The following NEGR1 variants were observed in gnomAD, a reference collection of about 807,000 sequenced individuals.
The protein encoded by NEGR1 is IgLON family member 4.
Under a neutral mutation model 40.9 loss-of-function variants are expected in NEGR1, and 10 were observed. That is an observed-to-expected ratio of 0.24 (90% CI 0.15 to 0.42). NEGR1 has a LOEUF of 0.42. NEGR1 is among the 10% of genes least tolerant of loss of function. The probability of loss-of-function intolerance (pLI) is 1.00; values close to 1 mark genes in which losing one functional copy is unlikely to be tolerated. For missense variants in NEGR1, 352 were observed against 438.9 expected (o/e 0.80, Z 1.77); for synonymous variants, 185 against 166.8 (o/e 1.11, Z -0.84).
intron 6 of NEGR1, among the ~76,000 whole-genome samples, chr1:71,409,721 A>G (rs933615140): frequency 2.1e-4 from 32 of 152,200 alleles, no homozygotes; most frequent in African/African-American, 7.5e-4. Flanking sequence ...GTTTCCAGAC[A>G]TAAAATCTGG....
At position 71,801,767 on chromosome 1, in the gene NEGR1, C is replaced by T. The variant is rs544769481; in HGVS notation, c.410-25470G>A. ...AAATCAATCAGATTGCATTGCATTTCGCCCAAACACTCCAATAGTTTCTTA... is the reference window on the plus strand; with the variant it reads ...AAATCAATCAGATTGCATTGCATTTTGCCCAAACACTCCAATAGTTTCTTA... On this transcript the variant is annotated intron_variant, in intron 2 of 6. Transcript: ENST00000357731. 4.5e-4 allele frequency among the ~76,000 whole-genome samples: 68 copies of T among 152,236 alleles called. 1 individual carries two copies. The highest frequency in any genetic ancestry group is 1.3e-3 in the African/African-American group (55 of 41,552).
At chr1:71,933,636 C>G (rs1331846587) in intron 2 of NEGR1, among the ~76,000 whole-genome samples, 7 of 152,002 alleles carry the variant, frequency 4.6e-5, no homozygotes, top group Non-Finnish European at 1.0e-4. Flanking sequence ...GGTGGATTAA[C>G]TCCCACCCTC....
chr1:71,937,244 TA>T lies in NEGR1; in HGVS notation c.177-1934del, dbSNP rs113336427. On this transcript the variant is annotated intron_variant, in intron 1 of 6. Coordinates refer to ENST00000357731, the MANE Select transcript of NEGR1 (RefSeq NM_173808.3). ...GTCCTTATGTATTTAATAAAGAAAA[TA>T]AAACCCCTTTAATGATGTAATTAAA... is the stretch of plus-strand genomic sequence containing the variant. 1.9e-3 allele frequency among the ~76,000 whole-genome samples: 289 copies of T among 152,192 alleles called. 1 individual carries two copies. Among genetic ancestry groups the T allele is most frequent in the African/African-American group, 6.6e-3 (274 of 41,534 alleles).
At chr1:71,708,062 C>T (rs1221410015) in intron 3 of NEGR1, among the ~76,000 whole-genome samples, 1 of 151,996 alleles carries the variant, frequency 6.6e-6, no homozygotes, top group Admixed American at 6.5e-5. Context: ...ATGAAGGCTA[C>T]AATAAATATA....
chr1:71,638,499 G>A (rs940871265), intron 4 of NEGR1, among the ~76,000 whole-genome samples: 1 of 152,044 alleles, frequency 6.6e-6, no homozygotes, highest in African/African-American at 2.4e-5. Flanking sequence ...ATTTCTGTTT[G>A]ACGCTTGCTT....
At chr1:71,939,657 A>T (rs1645941258) in intron 1 of NEGR1, among the ~76,000 whole-genome samples, 1 of 152,194 alleles carries the variant, frequency 6.6e-6, no homozygotes, top group Non-Finnish European at 1.5e-5. Context: ...CTAAGAATTC[A>T]GTGATCAGAA....
At chr1:72,044,416 T>C (rs968667854) in intron 1 of NEGR1, among the ~76,000 whole-genome samples, 1 of 151,598 alleles carries the variant, frequency 6.6e-6, no homozygotes. Context: ...ATATTGGCCT[T>C]TGCACAATTC....
chr1:71,854,060 C>T (rs558124241), intron 2 of NEGR1, among the ~76,000 whole-genome samples: 19 of 152,146 alleles, frequency 1.2e-4, no homozygotes, highest in African/African-American at 4.1e-4. Context: ...AAGCATGTTG[C>T]ATTAAAAAAG....
rs562213047 is a variant in NEGR1, at chr1:71,865,844, T to G, written c.409+69235A>C. Among the ~76,000 whole-genome samples, 7 of 152,304 alleles carry G rather than the reference T, an allele frequency of 4.6e-5. No homozygotes were observed. The East Asian group carries it at 1.4e-3, about 29-fold the overall frequency. ...CCAATTTGTGTCTCACACATAGCAA[T>G]AAAGAACTATCCTTGCTAATAAAAA... On this transcript the variant is annotated intron_variant, in intron 2 of 6. Coordinates refer to ENST00000357731, the MANE Select transcript of NEGR1 (RefSeq NM_173808.3).
intron 6 of NEGR1, among the ~76,000 whole-genome samples, chr1:71,469,371 G>A (rs1646767770): frequency 6.6e-6 from 1 of 151,926 alleles, no homozygotes; most frequent in Non-Finnish European, 1.5e-5. Flanking sequence ...GGATCACATT[G>A]TAAACTATTA....
intron 6 of NEGR1, among the ~76,000 whole-genome samples, chr1:71,565,570 A>C (rs530826431): frequency 6.6e-6 from 1 of 152,286 alleles, no homozygotes; most frequent in Non-Finnish European, 1.5e-5. Flanking sequence ...AGCAACAAGT[A>C]TTGGCATGCA....
rs1353051422 is a variant in NEGR1, at chr1:71,480,636, T to G, written c.941-73066A>C. On this transcript the variant is annotated intron_variant, in intron 6 of 6. Coordinates refer to ENST00000357731, the MANE Select transcript of NEGR1 (RefSeq NM_173808.3). ...GTTGTAGTATTAATATTAAAACACA[T>G]GATGTCTGTTGTCAGAGACCTTACT... is the stretch of plus-strand genomic sequence containing the variant. Among the ~76,000 whole-genome samples, 3 of 151,916 alleles carry G rather than the reference T, an allele frequency of 2.0e-5. No homozygotes were observed. In the East Asian group the frequency reaches 5.8e-4, roughly 29 times the overall value.
intron 3 of NEGR1, among the ~76,000 whole-genome samples, chr1:71,769,197 CTTA>C (rs1656232167): frequency 6.6e-6 from 1 of 151,404 alleles, no homozygotes; most frequent in Non-Finnish European, 1.5e-5. Flanking sequence ...TATTTCTAGG[CTTA>C]TTAATACAAT....
At chr1:71,449,663 T>C (rs912154823) in intron 6 of NEGR1, among the ~76,000 whole-genome samples, 12 of 152,222 alleles carry the variant, frequency 7.9e-5, no homozygotes, top group African/African-American at 2.4e-4. Flanking sequence ...CAGAATTCCA[T>C]GTACATTATA....
intron 6 of NEGR1, among the ~76,000 whole-genome samples, chr1:71,589,475 G>A (rs1649426390): frequency 6.6e-6 from 1 of 151,988 alleles, no homozygotes; most frequent in African/African-American, 2.4e-5. Flanking sequence ...TTTATACCCA[G>A]CTACCTATTA....
intron 3 of NEGR1, among the ~76,000 whole-genome samples, chr1:71,751,490 GT>G (rs1356303612): frequency 3.9e-5 from 6 of 152,146 alleles, no homozygotes; most frequent in Non-Finnish European, 8.8e-5. Flanking sequence ...TTTCCCCATT[GT>G]TTGACTTCCC....
intron 1 of NEGR1, chr1:72,100,940 A>T (rs1186413970): frequency 3.3e-5 from 5 of 152,228 alleles, no homozygotes; most frequent in African/African-American, 1.2e-4. Flanking sequence ...CCTTTTCTTC[A>T]TGTGCAAGTG....
chr1:71,591,609 A>C (rs1649502243), intron 6 of NEGR1, among the ~76,000 whole-genome samples: 1 of 152,140 alleles, frequency 6.6e-6, no homozygotes, highest in Non-Finnish European at 1.5e-5. Flanking sequence ...TATATTATTC[A>C]TAATTTCACT....
intron 1 of NEGR1, among the ~76,000 whole-genome samples, chr1:72,267,659 A>G (rs1022726746): frequency 6.6e-6 from 1 of 151,342 alleles, no homozygotes; most frequent in Non-Finnish European, 1.5e-5. Context: ...AAATCACAGA[A>G]GCATGAAAGT....
Sources: gnomAD v4.1 joint callset for allele counts (sites outside exome capture counted in the v4.1 genomes callset) on GRCh38, gnomAD v4.1.1 for gene constraint, MANE v1.5 for transcripts, NCBI Gene and HGNC (gene_info 2026-07-23, HGNC 2026-07-21) for gene names.